The following LMNB2 variants were observed in gnomAD, a reference collection of about 807,000 sequenced individuals.
LMNB2 encodes the protein lamin-B2.
In LMNB2, 17 loss-of-function variants were observed where a neutral mutation model predicts 69.3. The observed-to-expected ratio is 0.25, with a 90% CI of 0.17 to 0.37. LMNB2 has a LOEUF of 0.37. Among genes scored for constraint, LMNB2 ranks in the 10% least tolerant of loss-of-function variants. LMNB2 has a pLI of 1.00. For synonymous variants in LMNB2, 397 were observed against 389.3 expected, an observed-to-expected ratio of 1.02 and a Z score of -0.23; for missense variants, 789 against 883.6, an observed-to-expected ratio of 0.89 and a Z score of 1.36.
chr19:2,447,924 C>T lies in LMNB2; in HGVS notation c.265-3384G>A, dbSNP rs866038123. Among the ~76,000 whole-genome samples, 20 of 152,278 alleles carry T rather than the reference C, an allele frequency of 1.3e-4. No individual in the cohort carries two copies. The highest frequency in any genetic ancestry group is 3.4e-3 in the Middle Eastern group (1 of 294). On this transcript the variant is annotated intron_variant, in intron 1 of 11. Coordinates refer to ENST00000325327, the MANE Select transcript of LMNB2 (RefSeq NM_032737.4). This position sits in a 1 kb window ranked among gnomAD's most constrained non-coding sequence, Gnocchi z 4.4. ...CAAGTCCCGTCAGCCTACAGTGGGG[C>T]GGGATAAGGGTTCCCAACCTGATTT... is the stretch of plus-strand genomic sequence containing the variant.
At position 2,456,522 on chromosome 19, in the gene LMNB2, A is replaced by G. The variant is rs1367403506; in HGVS notation, c.264+148T>C. 7 of 781,636 alleles carry G rather than the reference A, an allele frequency of 9.0e-6. No individual in the cohort carries two copies. The South Asian group carries it at 1.1e-4, about 13-fold the overall frequency. 48.4% of individuals were successfully genotyped at this position (781,636 alleles called of 1,614,324 possible). Reference sequence around the variant, plus strand: ...CCTGGCCGAGCTGCACCCCTCACTCAGGGGCCCCCCGAAACCCCGCGGAAA... The same window carrying G: ...CCTGGCCGAGCTGCACCCCTCACTCGGGGGCCCCCCGAAACCCCGCGGAAA... On this transcript the variant is annotated intron_variant, in intron 1 of 11. Transcript: ENST00000325327.
intron 2 of LMNB2, among the ~76,000 whole-genome samples, chr19:2,441,863 G>C (rs1971903941): frequency 6.6e-6 from 1 of 152,244 alleles, no homozygotes; most frequent in African/African-American, 2.4e-5. Context: ...AAAGGCCCAG[G>C]GGTGAGGTGG....
At chr19:2,437,806 A>AAAAAAAAAAAAAAAAAG (rs1568203831) in intron 4 of LMNB2, among the ~76,000 whole-genome samples, 18 of 151,906 alleles carry the variant, frequency 1.2e-4, no homozygotes, top group African/African-American at 3.9e-4. Flanking sequence ...TCTCAAAAAA[A>AAAAAAAAAAAAAAAAAG]GACGTGCCCA....
intron 1 of LMNB2, among the ~76,000 whole-genome samples, chr19:2,444,806 C>T (rs144832615): frequency 2.0e-5 from 3 of 152,326 alleles, no homozygotes; most frequent in East Asian, 1.9e-4. Flanking sequence ...TCCTCTGCTG[C>T]GGCCCCCTCT....
chr19:2,439,548 A>G (rs886805873), intron 2 of LMNB2, among the ~76,000 whole-genome samples: 1 of 152,132 alleles, frequency 6.6e-6, no homozygotes, highest in Non-Finnish European at 1.5e-5. Context: ...GGAATCACCC[A>G]GTGTCCCCTG....
Position 2,433,936 on chromosome 19 carries a change from C to CACCCGT in LMNB2, c.1366_1371dup (p.Thr456_Gly457dup). 1 of 1,612,424 alleles carries CACCCGT rather than the reference C, an allele frequency of 6.2e-7. No homozygotes were observed. The highest frequency in any genetic ancestry group is 8.5e-7 in the Non-Finnish European group (1 of 1,179,820). On this transcript the variant is annotated inframe_insertion, in exon 8 of 12. Transcript: ENST00000325327. ...TGGGCCAGGTGGAAGCCACCGCTGC[C>CACCCGT]ACCCGTGCCCGTGCCCAGGACGCTT...
rs537622911 is a variant in LMNB2 at position 2,454,734 on chromosome 19, C to T, written c.264+1936G>A. ...CTGGGGCCTAGGGACCCCAGGACCCCAACCCATGGCAGGAATCAAGTGGGT... is the reference window on the plus strand; with the variant it reads ...CTGGGGCCTAGGGACCCCAGGACCCTAACCCATGGCAGGAATCAAGTGGGT... On this transcript the variant is annotated intron_variant, in intron 1 of 11. Coordinates refer to ENST00000325327, the MANE Select transcript of LMNB2 (RefSeq NM_032737.4). 3.9e-5 allele frequency among the ~76,000 whole-genome samples: 6 copies of T among 152,286 alleles called. No homozygotes were observed. The East Asian group carries it at 1.2e-3, about 29-fold the overall frequency.
chr19:2,442,937 C>T (rs946823700), intron 2 of LMNB2, among the ~76,000 whole-genome samples: 8 of 152,206 alleles, frequency 5.3e-5, no homozygotes, highest in African/African-American at 1.9e-4. Flanking sequence ...TGGTGCGGGG[C>T]CAGCAGCAGC....
chr19:2,445,936 C>G (rs1599338945), intron 1 of LMNB2, among the ~76,000 whole-genome samples: 1 of 49,946 alleles, frequency 2.0e-5, no homozygotes, highest in African/African-American at 9.3e-5. Context: ...CAGCTGCCCC[C>G]CCCAACCAGC....
intron 1 of LMNB2, among the ~76,000 whole-genome samples, chr19:2,452,971 G>T: frequency 7.2e-6 from 1 of 139,008 alleles, no homozygotes; most frequent in Non-Finnish European, 1.5e-5. Context: ...TCCTAATGGG[G>T]GATGGGTCAT....
In LMNB2 at chr19:2,432,535, G is replaced by C. The variant is rs761892602; in HGVS notation, c.1483-12C>G. On this transcript the variant is annotated splice_polypyrimidine_tract_variant and intron_variant, in intron 8 of 11. Transcript: ENST00000325327. ...CCCAGAGACTGATCCTGGAAGACAC[G>C]GCACACACCTGACCCTCAGCCACCA... The C allele has an allele frequency of 6.2e-7, 1 of 1,601,796 alleles. No individual in the cohort carries two copies. The highest frequency in any genetic ancestry group is 1.3e-5 in the African/African-American group (1 of 74,690).
rs1971688094 is a variant in LMNB2 at position 2,428,287 on chromosome 19, C to T, written c.*2624G>A. 1 of 152,210 alleles carries T rather than the reference C, an allele frequency of 6.6e-6. No individual in the cohort carries two copies. Among genetic ancestry groups the T allele is most frequent in the Admixed American group, 6.5e-5 (1 of 15,284 alleles). The allele number at this position is 152,210 out of a possible 1,614,324, so 9.4% of individuals were successfully genotyped here. On this transcript the variant is annotated 3_prime_UTR_variant, in exon 12 of 12. Transcript: ENST00000325327. ...ATGCATCTTCTTAAAAACCGAATCT[C>T]TGAAATGAAAGTCCATGCCAGCCCC...
Position 2,456,737 on chromosome 19 carries a change from G to T in LMNB2, c.197C>A (p.Ala66Glu). 1.3e-6 allele frequency: 2 copies of T among 1,565,228 alleles called. No individual in the cohort carries two copies. Among genetic ancestry groups the T allele is most frequent in the South Asian group, 2.3e-5 (2 of 86,750 alleles). ...GAGCCGGTCGTTCTCCAGCTCCAGC[G>T]CGCGGACGCGGTCGATGTAGTGCGC... is the stretch of plus-strand genomic sequence containing the variant. ...RLAHYIDRVR[A>E]LELENDRLLL... is the part of the protein sequence containing the mutation. Residue 66 changes from alanine to glutamate, a missense_variant, in exon 1 of 12, where the codon GCG becomes GAG. Coordinates refer to ENST00000325327, the MANE Select transcript of LMNB2 (RefSeq NM_032737.4).
Position 2,434,494 on chromosome 19 carries a change from T to C in LMNB2, c.1003A>G (p.Ile335Val), listed in dbSNP as rs1165954187. The C allele has an allele frequency of 3.1e-6, 5 of 1,612,894 alleles. No homozygotes were observed. The Admixed American group carries it at 6.7e-5, about 21-fold the overall frequency. The change falls in exon 7 of 12, where the codon ATT (isoleucine) becomes GTT (valine). Residue 335 changes from isoleucine (I) to valine (V), a missense_variant. This residue lies in a region of LMNB2 where 609 missense variants were observed against 630.9 expected (regional missense o/e 0.97). Coordinates refer to ENST00000325327, the MANE Select transcript of LMNB2 (RefSeq NM_032737.4). ...GCCATGGCCTCCTCCAGCTCCCGAATGCGATCTTCAGCGGCACTGGCCTGC... is the reference window on the plus strand; with the variant it reads ...GCCATGGCCTCCTCCAGCTCCCGAACGCGATCTTCAGCGGCACTGGCCTGC... ...QKQASAAEDR[I>V]RELEEAMAGE...
At chr19:2,432,381 C>G in intron 9 of LMNB2, 35 bp downstream of exon 9, 3 of 1,549,952 alleles carry the variant, frequency 1.9e-6, no homozygotes, top group Non-Finnish European at 8.9e-7. Context: ...ACACCCCATC[C>G]GTGGCCACCC....
rs1971917188 is a variant in LMNB2 at position 2,443,240 on chromosome 19, C to T, written c.401+1164G>A. Among the ~76,000 whole-genome samples the T allele has an allele frequency of 2.0e-5, 3 of 152,202 alleles. No homozygotes were observed. The highest frequency in any genetic ancestry group is 6.5e-5 in the Admixed American group (1 of 15,282). On this transcript the variant is annotated intron_variant, in intron 2 of 11. Coordinates refer to ENST00000325327, the MANE Select transcript of LMNB2 (RefSeq NM_032737.4). This position sits in a 1 kb window ranked among gnomAD's most constrained non-coding sequence, Gnocchi z 6.2. Reference sequence around the variant, plus strand: ...TGGTCCCTCCTGGAGCCCCAGGCCCCGGGCAGGCGGGCGGTGGTCCCTGGG... The same window carrying T: ...TGGTCCCTCCTGGAGCCCCAGGCCCTGGGCAGGCGGGCGGTGGTCCCTGGG...
At chr19:2,432,670 C>T in intron 8 of LMNB2, 147 bp from the exon 9 acceptor site, 1 of 744,698 alleles carries the variant, frequency 1.3e-6, no homozygotes, top group Admixed American at 1.9e-5. Context: ...TCATTCCAGT[C>T]ACCTTGTCCC....
At chr19:2,448,216 G>A (rs1375873856) in intron 1 of LMNB2, among the ~76,000 whole-genome samples, 2 of 152,172 alleles carry the variant, frequency 1.3e-5, no homozygotes, top group South Asian at 2.1e-4. Flanking sequence ...CCAGCTCCAC[G>A]CTGCAAACAG....
chr19:2,435,271 T>C, intron 4 of LMNB2, 100 bp from the exon 5 acceptor site: 1 of 1,483,052 alleles, frequency 6.7e-7, no homozygotes, highest in Non-Finnish European at 9.1e-7. Flanking sequence ...CTCCAGGCAA[T>C]TCCTGGTTCC....
Sources: gnomAD v4.1 joint callset for allele counts (sites outside exome capture counted in the v4.1 genomes callset) on GRCh38, gnomAD v4.1.1 for gene constraint, gnomAD v4.1.1 regional missense constraint, Gnocchi (gnomAD v3.1) non-coding constraint, MANE v1.5 for transcripts, NCBI Gene and HGNC (gene_info 2026-07-23, HGNC 2026-07-21) for gene names.